Variants in JARID2 observed in about 807,000 individuals in gnomAD.
JARID2 encodes the protein protein Jumonji.
A neutral mutation model predicts 125.6 loss-of-function variants in JARID2; 21 were observed. That is an observed-to-expected ratio of 0.17 (90% CI 0.12 to 0.24). The LOEUF is 0.24. JARID2 is among the 10% of genes least tolerant of loss of function. The pLI, the probability that JARID2 is intolerant of heterozygous loss-of-function variation, is 1.00. For missense variants in JARID2, 1,303 were observed against 1,639.6 expected (o/e 0.79, Z 3.55); for synonymous variants, 736 against 661.6 (o/e 1.11, Z -1.73).
At chr6:15,288,219 T>C (rs772993202) in intron 1 of JARID2, among the ~76,000 whole-genome samples, 11 of 152,032 alleles carry the variant, frequency 7.2e-5, no homozygotes, top group Non-Finnish European at 8.8e-5. Flanking sequence ...CATGGCTGCT[T>C]AGCTTCTGGG....
intron 1 of JARID2, among the ~76,000 whole-genome samples, chr6:15,260,863 A>G (rs1443530985): frequency 6.6e-6 from 1 of 152,204 alleles, no homozygotes; most frequent in African/African-American, 2.4e-5. Flanking sequence ...CCTTGCTCTA[A>G]TTAAGCGATG....
At chr6:15,397,383 A>G (rs1188755063) in intron 2 of JARID2, among the ~76,000 whole-genome samples, 1 of 152,036 alleles carries the variant, frequency 6.6e-6, no homozygotes, top group Non-Finnish European at 1.5e-5. Flanking sequence ...ATAACCTTGT[A>G]CTCTCTTCTA....
chr6:15,517,852 C>T (rs1278121644), intron 17 of JARID2, among the ~76,000 whole-genome samples: 1 of 152,252 alleles, frequency 6.6e-6, no homozygotes, highest in Non-Finnish European at 1.5e-5. Flanking sequence ...CCCGCCTTCC[C>T]CACGTGTGCT....
chr6:15,390,405 T>C (rs966807481), intron 2 of JARID2, among the ~76,000 whole-genome samples: 2 of 152,144 alleles, frequency 1.3e-5, no homozygotes, highest in Non-Finnish European at 2.9e-5. Context: ...GGGACGTCCT[T>C]CTTAGCTCTG....
chr6:15,400,134 A>G (rs1245055620), intron 2 of JARID2, among the ~76,000 whole-genome samples: 2 of 152,146 alleles, frequency 1.3e-5, no homozygotes, highest in African/African-American at 4.8e-5. Context: ...GAGAGAAAAC[A>G]GCTTCTGTTT....
At chr6:15,489,853 A>G (rs973712356) in intron 6 of JARID2, among the ~76,000 whole-genome samples, 1 of 151,944 alleles carries the variant, frequency 6.6e-6, no homozygotes, top group Non-Finnish European at 1.5e-5. Flanking sequence ...CTCTCCTGTC[A>G]CCCTTTCCCC....
chr6:15,289,355 A>G (rs561241417), intron 1 of JARID2, among the ~76,000 whole-genome samples: 2 of 152,182 alleles, frequency 1.3e-5, no homozygotes, highest in Non-Finnish European at 2.9e-5. Context: ...AAAATCTTTT[A>G]TTTTGTTACA....
At chr6:15,281,538 A>T (rs1356269160) in intron 1 of JARID2, among the ~76,000 whole-genome samples, 1 of 152,226 alleles carries the variant, frequency 6.6e-6, no homozygotes, top group African/African-American at 2.4e-5. Context: ...ACCTGCATAC[A>T]TGCATGTTTA....
chr6:15,466,168 A>C (rs771493855), intron 4 of JARID2, among the ~76,000 whole-genome samples: 1 of 152,164 alleles, frequency 6.6e-6, no homozygotes, highest in Non-Finnish European at 1.5e-5. Context: ...CCTTTGCAAC[A>C]GAGGGGAGAG....
At chr6:15,445,136 C>G (rs1422687986) in intron 3 of JARID2, among the ~76,000 whole-genome samples, 1 of 152,292 alleles carries the variant, frequency 6.6e-6, no homozygotes, top group East Asian at 1.9e-4. Flanking sequence ...GTTGATGACC[C>G]CAGAGGAAAC....
At chr6:15,427,830 T>A (rs1766796418) in intron 3 of JARID2, among the ~76,000 whole-genome samples, 1 of 151,932 alleles carries the variant, frequency 6.6e-6, no homozygotes, top group Admixed American at 6.6e-5. Flanking sequence ...GTGACAGCCA[T>A]TAATGTCACT....
chr6:15,498,332 T>C (rs996963378), intron 7 of JARID2, among the ~76,000 whole-genome samples: 3 of 152,198 alleles, frequency 2.0e-5, no homozygotes, highest in Non-Finnish European at 4.4e-5. Flanking sequence ...AGTGAATGCA[T>C]ATCTGGGCTG....
In JARID2 at chr6:15,507,189, C is replaced by T. The variant is rs759252467; in HGVS notation, c.2595C>T (p.Cys865=). Residue 865 remains cysteine, a synonymous_variant, in exon 10 of 18, where the codon TGC becomes TGT. Coordinates refer to ENST00000341776, the MANE Select transcript of JARID2 (RefSeq NM_004973.4). ...EEKDCHVAVH[C]GKVDTNTHGS... ...AGGACTGCCACGTGGCAGTGCACTG[C>T]GGCAAGGTGGACACCAACACTCACG... 8.1e-6 allele frequency: 13 copies of T among 1,613,816 alleles called. No individual in the cohort carries two copies. The highest frequency in any genetic ancestry group is 1.1e-5 in the South Asian group (1 of 91,076).
intron 12 of JARID2, chr6:15,508,887 C>T (rs960448342): frequency 9.3e-7 from 1 of 1,077,826 alleles, no homozygotes; most frequent in Non-Finnish European, 1.2e-6. Context: ...ACAAAGCTAA[C>T]CAGTAGTAGT....
chr6:15,492,112 G>A (rs1312367727), intron 6 of JARID2, among the ~76,000 whole-genome samples: 1 of 152,112 alleles, frequency 6.6e-6, no homozygotes, highest in Non-Finnish European at 1.5e-5. Flanking sequence ...ACAGGTGACG[G>A]ATGGCTGTGG....
rs563213166 is a variant in JARID2 at position 15,503,198 on chromosome 6, C to T, written c.2449-1302C>T. Among the ~76,000 whole-genome samples the T allele has an allele frequency of 1.7e-3, 266 of 152,324 alleles. 1 individual carries two copies. Among genetic ancestry groups the T allele is most frequent in the African/African-American group, 6.0e-3 (249 of 41,580 alleles). Reference sequence around the variant, plus strand: ...GTGAGCACGCAACTCTCTGTGGCACCGGTGTCCTGGCTGCTGACTTTGGTC... The same window carrying T: ...GTGAGCACGCAACTCTCTGTGGCACTGGTGTCCTGGCTGCTGACTTTGGTC... On this transcript the variant is annotated intron_variant, in intron 8 of 17. Coordinates refer to ENST00000341776, the MANE Select transcript of JARID2 (RefSeq NM_004973.4).
intron 3 of JARID2, among the ~76,000 whole-genome samples, chr6:15,444,799 T>G (rs1215370835): frequency 6.7e-6 from 1 of 148,642 alleles, no homozygotes; most frequent in Non-Finnish European, 1.5e-5. Flanking sequence ...TTGCCCTTTG[T>G]TTAGAATTGG....
intron 2 of JARID2, among the ~76,000 whole-genome samples, chr6:15,398,203 G>T (rs1765289574): frequency 6.6e-6 from 1 of 152,194 alleles, no homozygotes; most frequent in Non-Finnish European, 1.5e-5. Flanking sequence ...TTGGCAGCGG[G>T]TTCACAGATA....
intron 1 of JARID2, among the ~76,000 whole-genome samples, chr6:15,267,787 G>A (rs1315134576): frequency 2.6e-5 from 4 of 152,102 alleles, no homozygotes; most frequent in Admixed American, 1.3e-4. Flanking sequence ...TGGTGTGCAT[G>A]CTGATCCCCA....
Sources: allele counts gnomAD v4.1 joint callset (sites outside exome capture counted in the v4.1 genomes callset), GRCh38; gene constraint gnomAD v4.1.1; transcripts MANE v1.5; gene names NCBI Gene and HGNC (gene_info 2026-07-23, HGNC 2026-07-21).